The following COL24A1 variants were observed in gnomAD, a reference collection of about 807,000 sequenced individuals.
COL24A1 encodes collagen type XXIV alpha 1 chain, also known as collagen alpha-1(XXIV) chain.
Under a neutral mutation model 253.9 loss-of-function variants are expected in COL24A1, and 224 were observed. The observed-to-expected ratio is 0.88, with a 90% CI of 0.79 to 0.99. The LOEUF (loss-of-function observed/expected upper bound fraction) is 0.99, where lower values mean the gene tolerates loss of function less well. Among genes scored for constraint, COL24A1 ranks in the 50% least tolerant of loss-of-function variants. The probability of loss-of-function intolerance (pLI) is 0.00; values close to 1 mark genes in which losing one functional copy is unlikely to be tolerated. For missense variants in COL24A1, 2,131 were observed against 2,068.5 expected, an observed-to-expected ratio of 1.03 and a Z score of -0.59; for synonymous variants, 685 against 673.7, an observed-to-expected ratio of 1.02 and a Z score of -0.26.
intron 1 of COL24A1, among the ~76,000 whole-genome samples, chr1:86,148,568 C>G (rs1652260508): frequency 1.4e-5 from 2 of 144,928 alleles, no homozygotes; most frequent in Admixed American, 1.5e-4. Flanking sequence ...TTTCATTGTT[C>G]AATTCCCACC....
chr1:85,830,911 C>T (rs1675180178), intron 43 of COL24A1, among the ~76,000 whole-genome samples: 1 of 152,110 alleles, frequency 6.6e-6, no homozygotes, highest in Non-Finnish European at 1.5e-5. Flanking sequence ...GAGCTGTAGA[C>T]CGGAGCTGTT....
At chr1:86,058,076 A>C (rs902184116) in intron 9 of COL24A1, 101 bp from the exon 10 acceptor site, 2 of 881,904 alleles carry the variant, frequency 2.3e-6, no homozygotes, top group African/African-American at 3.4e-5. Flanking sequence ...CATTTTCAAA[A>C]CTATAGAATT....
intron 43 of COL24A1, among the ~76,000 whole-genome samples, chr1:85,833,039 T>C (rs1675527329): frequency 6.6e-6 from 1 of 152,092 alleles, no homozygotes; most frequent in Admixed American, 6.5e-5. Context: ...TTTTTGCCCA[T>C]TCAGTATGAT....
intron 19 of COL24A1, among the ~76,000 whole-genome samples, chr1:85,997,646 G>A (rs547247320): frequency 6.7e-4 from 102 of 152,060 alleles, no homozygotes; most frequent in African/African-American, 7.5e-4. Context: ...AGCTGGGTGC[G>A]GTGACATGCG....
intron 43 of COL24A1, among the ~76,000 whole-genome samples, chr1:85,829,836 CA>C (rs1487554924): frequency 2.6e-5 from 4 of 151,888 alleles, no homozygotes; most frequent in Non-Finnish European, 5.9e-5. Flanking sequence ...AAATTTTTTT[CA>C]AAGTTTTCAA....
chr1:86,141,946 G>A (rs191374944), intron 2 of COL24A1, among the ~76,000 whole-genome samples: 124 of 151,968 alleles, frequency 8.2e-4, no homozygotes, highest in Non-Finnish European at 1.3e-3. Flanking sequence ...TAATGTACCC[G>A]CCTCAGTCTC....
chr1:85,922,192 T>C (rs556935188), intron 24 of COL24A1, among the ~76,000 whole-genome samples: 94 of 152,312 alleles, frequency 6.2e-4, no homozygotes, highest in African/African-American at 7.9e-4. Flanking sequence ...CTACATTTCA[T>C]TGGTGTACCT....
intron 19 of COL24A1, among the ~76,000 whole-genome samples, chr1:85,993,561 G>C (rs1694499346): frequency 2.0e-5 from 3 of 151,740 alleles, no homozygotes; most frequent in Admixed American, 6.6e-5. Context: ...GAAGACAAGA[G>C]GAACAGAAAT....
chr1:85,754,659 G>A (rs558021561), intron 55 of COL24A1, among the ~76,000 whole-genome samples: 39 of 151,464 alleles, frequency 2.6e-4, no homozygotes, highest in African/African-American at 8.0e-4. Context: ...TAGAAATTCT[G>A]AAGTTAAAAA....
chr1:85,830,822 T>C (rs1675156542), intron 43 of COL24A1, among the ~76,000 whole-genome samples: 1 of 152,148 alleles, frequency 6.6e-6, no homozygotes, highest in Non-Finnish European at 1.5e-5. Context: ...GCCCACTGTC[T>C]GGCACTCCCT....
At chr1:86,074,498 C>T (rs909584224) in intron 7 of COL24A1, among the ~76,000 whole-genome samples, 2 of 151,908 alleles carry the variant, frequency 1.3e-5, no homozygotes, top group Non-Finnish European at 2.9e-5. Context: ...ACTCCCACAC[C>T]GTAATAGTGG....
At chr1:85,983,761 C>G (rs1434894913) in intron 20 of COL24A1, among the ~76,000 whole-genome samples, 1 of 151,746 alleles carries the variant, frequency 6.6e-6, no homozygotes, top group East Asian at 1.9e-4. Flanking sequence ...GCTGTTTTTC[C>G]CCTCTGTTTC....
chr1:85,832,108 G>C (rs1360352262), intron 43 of COL24A1, among the ~76,000 whole-genome samples: 1 of 151,910 alleles, frequency 6.6e-6, no homozygotes, highest in Admixed American at 6.6e-5. Flanking sequence ...TTTGTATAAG[G>C]TGTAAGGAAG....
intron 10 of COL24A1, among the ~76,000 whole-genome samples, chr1:86,054,286 T>G (rs1700520792): frequency 6.6e-6 from 1 of 151,996 alleles, no homozygotes; most frequent in Non-Finnish European, 1.5e-5. Context: ...AACAAAAAAT[T>G]TGGCAATTGT....
intron 53 of COL24A1, among the ~76,000 whole-genome samples, chr1:85,765,764 A>C (rs1667305821): frequency 6.6e-6 from 1 of 151,890 alleles, no homozygotes; most frequent in South Asian, 2.1e-4. Context: ...TCCTTTGCCG[A>C]TATCTGACAC....
intron 56 of COL24A1, 93 bp from the exon 57 acceptor site, chr1:85,744,927 G>C: frequency 1.1e-6 from 1 of 943,210 alleles, no homozygotes; most frequent in Non-Finnish European, 1.6e-6. Flanking sequence ...ATTATGTGTA[G>C]TAAGTTGTGA....
In COL24A1 at chr1:85,779,337, G is replaced by A. The variant is rs549863727; in HGVS notation, c.4338+1883C>T. 1.4e-4 allele frequency among the ~76,000 whole-genome samples: 21 copies of A among 152,134 alleles called. No homozygotes were observed. In the South Asian group the frequency reaches 2.9e-3, roughly 21 times the overall value. On this transcript the variant is annotated intron_variant, in intron 52 of 59. Transcript: ENST00000370571. ...AATTAGATATGAAAAAAATGTAATC[G>A]GAGACTTCTAAAAAATTCTTATTTT...
chr1:85,917,230 A>G (rs1346657984), intron 24 of COL24A1, among the ~76,000 whole-genome samples: 1 of 152,218 alleles, frequency 6.6e-6, no homozygotes, highest in African/African-American at 2.4e-5. Context: ...TTTAAAACGC[A>G]TACAATAATC....
At chr1:86,038,307 C>T (rs936077088) in intron 12 of COL24A1, among the ~76,000 whole-genome samples, 9 of 152,214 alleles carry the variant, frequency 5.9e-5, no homozygotes, top group East Asian at 5.8e-4. Context: ...GATTCTATTG[C>T]ATTCATGCTG....
Sources: allele counts gnomAD v4.1 joint callset (sites outside exome capture counted in the v4.1 genomes callset), GRCh38; gene constraint gnomAD v4.1.1; transcripts MANE v1.5; gene names NCBI Gene and HGNC (gene_info 2026-07-23, HGNC 2026-07-21).